The following FHAD1 variants were observed in gnomAD, a reference collection of about 807,000 sequenced individuals.
FHAD1 encodes the protein forkhead associated phosphopeptide binding domain 1, also known as forkhead-associated domain-containing protein 1.
A neutral mutation model predicts 191.3 loss-of-function variants in FHAD1; 146 were observed. The observed-to-expected ratio is 0.76, with a 90% CI of 0.67 to 0.88. The LOEUF (loss-of-function observed/expected upper bound fraction) is 0.88, where lower values mean the gene tolerates loss of function less well. Among genes scored for constraint, FHAD1 ranks in the 40% least tolerant of loss-of-function variants. FHAD1 has a pLI of 0.00. For missense variants in FHAD1, 1,635 were observed against 1,785.8 expected (o/e 0.92, Z 1.52); for synonymous variants, 616 against 672.3 (o/e 0.92, Z 1.29).
intron 2 of FHAD1, among the ~76,000 whole-genome samples, chr1:15,253,902 TTCTG>T (rs1376136686): frequency 2.0e-5 from 3 of 152,340 alleles, no homozygotes; most frequent in South Asian, 2.1e-4. Context: ...GGGAAAAGCA[TTCTG>T]TCTTTCATCA....
At chr1:15,336,668 G>T (rs903157732) in intron 14 of FHAD1, among the ~76,000 whole-genome samples, 1 of 152,018 alleles carries the variant, frequency 6.6e-6, no homozygotes, top group African/African-American at 2.4e-5. Context: ...CTTTTCAATT[G>T]CTCTTACTCC....
intron 33 of FHAD1, among the ~76,000 whole-genome samples, chr1:15,396,214 G>A (rs1226259662): frequency 1.3e-5 from 2 of 152,040 alleles, no homozygotes; most frequent in Admixed American, 6.6e-5. Flanking sequence ...CAGCTTACTC[G>A]GGAGGCTGAG....
chr1:15,362,170 CAAGT>C (rs952883897), intron 22 of FHAD1, among the ~76,000 whole-genome samples: 4 of 152,176 alleles, frequency 2.6e-5, no homozygotes, highest in Admixed American at 6.5e-5. Flanking sequence ...AAGGGATAAA[CAAGT>C]GAGTGAACAC....
At chr1:15,353,850 A>G (rs1196932843) in intron 20 of FHAD1, among the ~76,000 whole-genome samples, 4 of 152,054 alleles carry the variant, frequency 2.6e-5, no homozygotes, top group Non-Finnish European at 5.9e-5. Context: ...ATCAAAATGC[A>G]TTTACTGTTA....
At chr1:15,259,884 C>T (rs1163547358) in intron 2 of FHAD1, among the ~76,000 whole-genome samples, 1 of 152,176 alleles carries the variant, frequency 6.6e-6, no homozygotes, top group African/African-American at 2.4e-5. Flanking sequence ...GCCCCCCTCT[C>T]CCTGCCAGGT....
chr1:15,337,368 C>G (rs186041583), intron 14 of FHAD1, among the ~76,000 whole-genome samples: 179 of 152,354 alleles, frequency 1.2e-3, no homozygotes, highest in African/African-American at 4.2e-3. Flanking sequence ...CATTCTACCC[C>G]TTTAAAAGGC....
At chr1:15,309,932 G>A (rs1441152199) in intron 7 of FHAD1, among the ~76,000 whole-genome samples, 3 of 152,306 alleles carry the variant, frequency 2.0e-5, no homozygotes, top group African/African-American at 7.2e-5. Context: ...AACTGCCGGC[G>A]AGTGTGGCTG....
At chr1:15,285,662 G>A (rs994398190) in intron 3 of FHAD1, among the ~76,000 whole-genome samples, 3 of 152,134 alleles carry the variant, frequency 2.0e-5, no homozygotes, top group Admixed American at 1.3e-4. Flanking sequence ...CACTGTGGGG[G>A]CTACAAGTGA....
At chr1:15,277,007 C>G (rs72863200) in intron 3 of FHAD1, among the ~76,000 whole-genome samples, 1 of 152,150 alleles carries the variant, frequency 6.6e-6, no homozygotes, top group Non-Finnish European at 1.5e-5. Flanking sequence ...ATGTGCTTGC[C>G]GCGTTGTTTC....
At chr1:15,343,523 TC>T in intron 16 of FHAD1, among the ~76,000 whole-genome samples, 1 of 152,304 alleles carries the variant, frequency 6.6e-6, no homozygotes, top group Middle Eastern at 3.4e-3. Context: ...TTCATCTCCA[TC>T]CTCACATGTG....
chr1:15,397,640 AAGAAT>A lies in FHAD1; in HGVS notation c.*232_*236del. On this transcript the variant is annotated 3_prime_UTR_variant, in exon 34 of 34. Coordinates refer to ENST00000688493, the MANE Select transcript of FHAD1 (RefSeq NM_001391957.1). ...GAATGTACACGAACTCAGGTATATG[AAGAAT>A]AGAAGTGTGTAACCCAGATGTCCAG... is the stretch of plus-strand genomic sequence containing the variant. The A allele has an allele frequency of 3.1e-6, 1 of 322,268 alleles. No homozygotes were observed. Among genetic ancestry groups the A allele is most frequent in the Non-Finnish European group, 5.6e-6 (1 of 177,886 alleles). The allele number at this position is 322,268 out of a possible 1,614,324, so 20.0% of individuals were successfully genotyped here. A position where few individuals can be genotyped will look rare whatever the true frequency, so the allele number is the denominator to read the frequency against.
Position 15,397,381 on chromosome 1 carries a change from CT to C in FHAD1, c.4412del (p.Leu1471CysfsTer23). The C allele has an allele frequency of 6.5e-7, 1 of 1,542,664 alleles. No homozygotes were observed. Among genetic ancestry groups the C allele is most frequent in the South Asian group, 1.2e-5 (1 of 83,008 alleles). On this transcript the variant is annotated frameshift_variant, in exon 34 of 34. Coordinates refer to ENST00000688493, the MANE Select transcript of FHAD1 (RefSeq NM_001391957.1). LOFTEE classifies it high-confidence loss of function. ...GACCTCCAGCAAGTCCAGCCAGAGC[CT>C]TTTGCATTCTAAGCCCAGTGGAAAG... ...KETSSKSSQS[L>X]LHSKPSGKY
At chr1:15,247,198 G>C (rs1646153968), upstream of FHAD1, 1 of 145,318 alleles carries the variant, frequency 6.9e-6, no homozygotes, top group African/African-American at 2.4e-5. Context: ...CATCTATTAG[G>C]CTGGACCCCG....
intron 33 of FHAD1, among the ~76,000 whole-genome samples, chr1:15,392,696 G>C (rs1704502493): frequency 6.6e-6 from 1 of 152,166 alleles, no homozygotes; most frequent in South Asian, 2.1e-4. Context: ...CATAAAAAAA[G>C]TGTCCATCCC....
chr1:15,379,861 C>T (rs1700509220), intron 28 of FHAD1, among the ~76,000 whole-genome samples: 1 of 152,186 alleles, frequency 6.6e-6, no homozygotes, highest in Admixed American at 6.5e-5. Flanking sequence ...GGGGTAAGGT[C>T]ACAGAATCTC....
At chr1:15,301,736 G>C (rs930901677) in intron 6 of FHAD1, among the ~76,000 whole-genome samples, 9 of 152,174 alleles carry the variant, frequency 5.9e-5, no homozygotes, top group African/African-American at 2.2e-4. Context: ...AAGGGTCTAA[G>C]GCAGGCCCAG....
intron 16 of FHAD1, among the ~76,000 whole-genome samples, chr1:15,344,060 T>G (rs1258812888): frequency 6.6e-6 from 1 of 152,156 alleles, no homozygotes; most frequent in Admixed American, 6.5e-5. Flanking sequence ...CGGTGCACCC[T>G]ACCCTCCTTG....
intron 2 of FHAD1, among the ~76,000 whole-genome samples, chr1:15,268,400 G>A (rs2101125910): frequency 6.7e-6 from 1 of 149,392 alleles, no homozygotes; most frequent in East Asian, 2.0e-4. Flanking sequence ...TATCATTGTT[G>A]GACATTTGGG....
At chr1:15,345,250 C>T in intron 17 of FHAD1, 60 bp downstream of exon 17, 1 of 1,455,228 alleles carries the variant, frequency 6.9e-7, no homozygotes, top group Non-Finnish European at 9.4e-7. Context: ...AAGGGTGGAT[C>T]TGGGGCTCTG....
Sources: allele counts gnomAD v4.1 joint callset (sites outside exome capture counted in the v4.1 genomes callset), GRCh38; gene constraint gnomAD v4.1.1; transcripts MANE v1.5; gene names NCBI Gene and HGNC (gene_info 2026-07-23, HGNC 2026-07-21).